The following SPMAP2 variants were observed in gnomAD, a reference collection of about 807,000 sequenced individuals.
SPMAP2 encodes Theg homolog.
At chr19:374,449 G>A in the SPMAP2 span, 3 of 1,613,694 alleles carry the variant, frequency 1.9e-6, no homozygotes, top group African/African-American at 4.0e-5. Flanking sequence ...GTTGAAGTTG[G>A]AGCTGCTTTC....
At chr19:372,775 G>A in the SPMAP2 span, 132,494 of 1,445,118 alleles carry the variant, frequency 0.092, 7,313 homozygotes, top group African/African-American at 0.23. Context: ...TCTGCATGCG[G>A]AATTCAGCTT....
the SPMAP2 span, chr19:374,018 G>C: frequency 6.2e-7 from 1 of 1,612,670 alleles, no homozygotes. Flanking sequence ...CTTCCTGCGA[G>C]GAGACAGGGT....
the SPMAP2 span, among the ~76,000 whole-genome samples, chr19:363,020 C>T: frequency 2.0e-5 from 3 of 151,944 alleles, no homozygotes; most frequent in South Asian, 6.2e-4. Flanking sequence ...ATCCAGAGTC[C>T]GGAAGTGAAC....
chr19:363,153 CTG>C, the SPMAP2 span, among the ~76,000 whole-genome samples: 1 of 152,140 alleles, frequency 6.6e-6, no homozygotes, highest in African/African-American at 2.4e-5. Context: ...AACCCTGTGA[CTG>C]TACTAAAAGC....
At chr19:373,942 G>A in the SPMAP2 span, 1 of 1,613,316 alleles carries the variant, frequency 6.2e-7, no homozygotes, top group Non-Finnish European at 8.5e-7. Flanking sequence ...GGACTTACCA[G>A]CAGAGACAGA....
the SPMAP2 span, among the ~76,000 whole-genome samples, chr19:363,390 A>G: frequency 6.6e-6 from 1 of 151,818 alleles, no homozygotes; most frequent in African/African-American, 2.4e-5. Flanking sequence ...ACGGGGTTTC[A>G]CCATGTTGGC....
At chr19:366,966 G>A in the SPMAP2 span, 5 of 1,315,414 alleles carry the variant, frequency 3.8e-6, no homozygotes, top group Non-Finnish European at 5.2e-6. Context: ...TCTTTCATGG[G>A]GGAGAGCTTC....
At chr19:375,859 C>T in the SPMAP2 span, 160 of 1,598,006 alleles carry the variant, frequency 1.0e-4, no homozygotes, top group Middle Eastern at 5.0e-4. Flanking sequence ...CGCCGGCTCT[C>T]GTACACAGAG....
chr19:373,383 G>T, the SPMAP2 span: 1 of 1,310,704 alleles, frequency 7.6e-7, no homozygotes, highest in Non-Finnish European at 1.1e-6. Flanking sequence ...GGCAAGGGAG[G>T]CCAGAAGTAT....
the SPMAP2 span, among the ~76,000 whole-genome samples, chr19:363,978 A>G: frequency 6.6e-6 from 1 of 152,298 alleles, no homozygotes. Flanking sequence ...CTGGGGCTAC[A>G]GTCATATGCA....
the SPMAP2 span, chr19:374,321 T>A: frequency 6.2e-7 from 1 of 1,614,054 alleles, no homozygotes; most frequent in Non-Finnish European, 8.5e-7. Flanking sequence ...ACTTGCCAGT[T>A]TATCTTGGGC....
chr19:363,906 A>C, the SPMAP2 span, among the ~76,000 whole-genome samples: 1 of 152,048 alleles, frequency 6.6e-6, no homozygotes, highest in South Asian at 2.1e-4. Context: ...AGCTCACTGC[A>C]GCCTCCACCT....
the SPMAP2 span, chr19:374,763 T>C: frequency 3.7e-6 from 1 of 271,242 alleles, no homozygotes; most frequent in Non-Finnish European, 7.1e-6. Context: ...CAGACATCTG[T>C]CAAGTGCTTA....
chr19:373,684 G>A, the SPMAP2 span, among the ~76,000 whole-genome samples: 13 of 152,134 alleles, frequency 8.5e-5, no homozygotes, highest in East Asian at 1.4e-3. Context: ...GGGGGCCGGC[G>A]GGACGCGTGG....
At chr19:368,831 A>G in the SPMAP2 span, among the ~76,000 whole-genome samples, 2 of 152,184 alleles carry the variant, frequency 1.3e-5, no homozygotes, top group Non-Finnish European at 2.9e-5. This position sits in a 1 kb window ranked among gnomAD's most constrained non-coding sequence, Gnocchi z 4.1. Flanking sequence ...TCTTCCCACC[A>G]GCCCTGCGGC....
the SPMAP2 span, among the ~76,000 whole-genome samples, chr19:369,244 C>A: frequency 6.6e-6 from 1 of 152,124 alleles, no homozygotes; most frequent in Non-Finnish European, 1.5e-5. Context: ...GAGAAACGGC[C>A]AAAACGTTTA....
chr19:364,805 C>A, the SPMAP2 span, among the ~76,000 whole-genome samples: 1 of 151,992 alleles, frequency 6.6e-6, no homozygotes, highest in Non-Finnish European at 1.5e-5. Context: ...CAGGGAGCTG[C>A]AGCAGACTGC....
At chr19:369,906 G>C in the SPMAP2 span, among the ~76,000 whole-genome samples, 1 of 152,204 alleles carries the variant, frequency 6.6e-6, no homozygotes, top group South Asian at 2.1e-4. Flanking sequence ...TACTTCTTTT[G>C]TGGATCTTCA....
the SPMAP2 span, chr19:374,141 A>C: frequency 1.4e-5 from 20 of 1,454,884 alleles, no homozygotes; most frequent in Non-Finnish European, 1.8e-5. Context: ...GTGTCTGGCC[A>C]CCTCCTTAAC....
Sources: allele counts gnomAD v4.1 joint callset (sites outside exome capture counted in the v4.1 genomes callset), GRCh38; gene constraint gnomAD v4.1.1; non-coding constraint Gnocchi (gnomAD v3.1); transcripts MANE v1.5; gene names NCBI Gene and HGNC (gene_info 2026-07-23, HGNC 2026-07-21).